AZIN2: variants seen among roughly 807,000 people sequenced by gnomAD.
The protein encoded by AZIN2 is ODC antizyme inhibitor-2.
AZIN2 carries 28 observed loss-of-function variants against 47.8 expected under a neutral mutation model. The observed-to-expected ratio is 0.59, with a 90% CI of 0.43 to 0.80. The LOEUF (loss-of-function observed/expected upper bound fraction) is 0.80, where lower values mean the gene tolerates loss of function less well. Among genes scored for constraint, AZIN2 ranks in the 30% least tolerant of loss-of-function variants. The pLI is 0.00. For synonymous variants in AZIN2, 221 were observed against 239.4 expected (o/e 0.92, Z 0.71); for missense variants, 535 against 582.5 (o/e 0.92, Z 0.84).
intron 10 of AZIN2, among the ~76,000 whole-genome samples, chr1:33,111,215 C>T (rs1644271707): frequency 6.6e-6 from 1 of 152,232 alleles, no homozygotes; most frequent in African/African-American, 2.4e-5. Context: ...TCTTACTTCT[C>T]TAGCTTGGAA....
chr1:33,147,306 A>G, the AZIN2 span: 1 of 1,614,104 alleles, frequency 6.2e-7, no homozygotes, highest in Non-Finnish European at 8.5e-7. This position sits in a 1 kb window ranked among gnomAD's most constrained non-coding sequence, Gnocchi z 8.1. Context: ...AGGACATGTC[A>G]TCAGCATTGT....
At chr1:33,134,702 G>A in the AZIN2 span, among the ~76,000 whole-genome samples, 3 of 152,214 alleles carry the variant, frequency 2.0e-5, no homozygotes, top group African/African-American at 7.2e-5. Flanking sequence ...TTGGTGCTAG[G>A]AGTACATGCG....
the AZIN2 span, among the ~76,000 whole-genome samples, chr1:33,160,525 C>T: frequency 6.6e-6 from 1 of 152,084 alleles, no homozygotes; most frequent in South Asian, 2.1e-4. Context: ...CAGCCTCAGC[C>T]TCCCTAGTAG....
At chr1:33,153,851 C>A in the AZIN2 span, among the ~76,000 whole-genome samples, 1 of 152,202 alleles carries the variant, frequency 6.6e-6, no homozygotes, top group Non-Finnish European at 1.5e-5. Context: ...CATTTATCGA[C>A]AAACATTTGC....
chr1:33,159,750 C>T, the AZIN2 span: 1 of 1,613,368 alleles, frequency 6.2e-7, no homozygotes, highest in Non-Finnish European at 8.5e-7. This position sits in a 1 kb window ranked among gnomAD's most constrained non-coding sequence, Gnocchi z 4.2. Context: ...CCAGCCGCTC[C>T]TGCAGGATCT....
the AZIN2 span, among the ~76,000 whole-genome samples, chr1:33,154,755 G>A: frequency 1.1e-4 from 16 of 147,350 alleles, no homozygotes; most frequent in African/African-American, 3.0e-4. Context: ...CCGAGATCAC[G>A]CCACTGCACT....
In AZIN2 at chr1:33,082,296, G is replaced by C; in HGVS notation, c.47G>C (p.Gly16Ala). 1 of 1,614,114 alleles carries C rather than the reference G, an allele frequency of 6.2e-7. No individual in the cohort carries two copies. The highest frequency in any genetic ancestry group is 8.5e-7 in the Non-Finnish European group (1 of 1,180,006). The change falls in exon 4 of 12, where the codon GGC becomes GCC. Residue 16 changes from glycine (G) to alanine (A), a missense_variant. Coordinates refer to ENST00000294517, the MANE Select transcript of AZIN2 (RefSeq NM_052998.4). ...SESDFVMVEE[G>A]FSTRDLLKEL... is the part of the protein sequence containing the mutation. ...TCGGACTTTGTGATGGTGGAGGAGG[G>C]CTTCAGTACCCGAGACCTGCTGAAG...
At chr1:33,145,732 G>A in the AZIN2 span, 1 of 385,054 alleles carries the variant, frequency 2.6e-6, no homozygotes, top group African/African-American at 2.1e-5. Flanking sequence ...CCCACCTCTG[G>A]GCAGGGATAG....
chr1:33,144,753 G>A, the AZIN2 span, among the ~76,000 whole-genome samples: 1 of 152,082 alleles, frequency 6.6e-6, no homozygotes, highest in South Asian at 2.1e-4. Context: ...GTCAGAGGTG[G>A]GATGGACCTC....
At chr1:33,104,406 T>C (rs915965715) in intron 10 of AZIN2, among the ~76,000 whole-genome samples, 12 of 152,182 alleles carry the variant, frequency 7.9e-5, no homozygotes, top group Non-Finnish European at 1.2e-4. Flanking sequence ...GGTTTATTGT[T>C]TTAGTTTTGT....
At chr1:33,158,127 A>G in the AZIN2 span, 1 of 775,410 alleles carries the variant, frequency 1.3e-6, no homozygotes, top group Non-Finnish European at 2.2e-6. Context: ...CCTGGAACAC[A>G]CTAGGTGCTC....
chr1:33,154,525 C>T, the AZIN2 span, among the ~76,000 whole-genome samples: 6 of 148,642 alleles, frequency 4.0e-5, no homozygotes, highest in South Asian at 4.3e-4. Flanking sequence ...TGAGGCTGGG[C>T]GCGGTGGCTC....
chr1:33,147,761 G>T, the AZIN2 span: 19 of 1,590,864 alleles, frequency 1.2e-5, no homozygotes, highest in Middle Eastern at 6.8e-4. This position sits in a 1 kb window ranked among gnomAD's most constrained non-coding sequence, Gnocchi z 8.1. Context: ...GAAGATGAGT[G>T]GGGAGAAGGC....
the AZIN2 span, chr1:33,160,054 G>A: frequency 4.3e-6 from 6 of 1,392,558 alleles, no homozygotes; most frequent in Admixed American, 2.2e-5. Flanking sequence ...GGGTGGGAAA[G>A]GGCACGCGTG....
Position 33,122,972 on chromosome 1 carries a change from A to G in AZIN2, c.*2790A>G, listed in dbSNP as rs549634506. Among the ~76,000 whole-genome samples the G allele has an allele frequency of 1.6e-4, 25 of 152,288 alleles. No homozygotes were observed. The highest frequency in any genetic ancestry group is 5.8e-4 in the African/African-American group (24 of 41,552). ...TTCCGTTTCACCAAGAATGAAATTT[A>G]AAGTCCTTGGCCAGCTGGCTCTCTG... On this transcript the variant is annotated 3_prime_UTR_variant, in exon 12 of 12. Transcript: ENST00000294517.
chr1:33,082,032 C>A, intron 3 of AZIN2, 146 bp from the exon 4 acceptor site: 1 of 568,534 alleles, frequency 1.8e-6, no homozygotes, highest in South Asian at 2.0e-5. Context: ...ATCCGGGATT[C>A]TTGACTTTCT....
At chr1:33,083,644 C>T (rs1296794145) in intron 4 of AZIN2, 2 of 418,970 alleles carry the variant, frequency 4.8e-6, no homozygotes, top group Non-Finnish European at 4.5e-6. Context: ...TTTTGCCAGA[C>T]ACAGGAGTGG....
chr1:33,081,945 C>A lies in AZIN2; in HGVS notation c.-73+133C>A, dbSNP rs534958878. ...ACTGGGAAGGCTCTCCAAAACAATT[C>A]ATCCATTTTACAGAGGGAGCAACTG... On this transcript the variant is annotated intron_variant, in intron 3 of 11. Coordinates refer to ENST00000294517, the MANE Select transcript of AZIN2 (RefSeq NM_052998.4). The surrounding 1 kb of genome is among the most constrained non-coding windows in gnomAD (Gnocchi z 4.2). The A allele has an allele frequency of 1.1e-5, 4 of 375,376 alleles. No individual in the cohort carries two copies. Among genetic ancestry groups the A allele is most frequent in the African/African-American group, 6.4e-5 (3 of 46,874 alleles). The allele number at this position is 375,376 out of a possible 1,614,324, so 23.3% of individuals were successfully genotyped here. A position where few individuals can be genotyped will look rare whatever the true frequency, so the allele number is the denominator to read the frequency against.
At chr1:33,104,143 A>G (rs1643888248) in intron 10 of AZIN2, among the ~76,000 whole-genome samples, 1 of 152,156 alleles carries the variant, frequency 6.6e-6, no homozygotes, top group Non-Finnish European at 1.5e-5. Context: ...TCGGCCTCCC[A>G]AAGTGCTTTG....
Sources: gnomAD v4.1 joint callset for allele counts (sites outside exome capture counted in the v4.1 genomes callset) on GRCh38, gnomAD v4.1.1 for gene constraint, Gnocchi (gnomAD v3.1) non-coding constraint, MANE v1.5 for transcripts, NCBI Gene and HGNC (gene_info 2026-07-23, HGNC 2026-07-21) for gene names.